Variants in PTPRJ observed in about 807,000 individuals in gnomAD.
The protein encoded by PTPRJ is protein tyrosine phosphatase receptor type J.
Under a neutral mutation model 141.3 loss-of-function variants are expected in PTPRJ, and 129 were observed. That is an observed-to-expected ratio of 0.91 (90% CI 0.79 to 1.06). The LOEUF (loss-of-function observed/expected upper bound fraction) is 1.06. Ranked by LOEUF, PTPRJ falls within the 50% of genes least tolerant of loss-of-function variation. The probability of loss-of-function intolerance (pLI) is 0.00; values close to 1 mark genes in which losing one functional copy is unlikely to be tolerated. For synonymous variants in PTPRJ, 610 were observed against 640.5 expected (o/e 0.95, Z 0.72); for missense variants, 1,601 against 1,679.7 (o/e 0.95, Z 0.82).
At chr11:48,103,818 C>A (rs1856217955) in intron 1 of PTPRJ, among the ~76,000 whole-genome samples, 1 of 152,172 alleles carries the variant, frequency 6.6e-6, no homozygotes, top group South Asian at 2.1e-4. Context: ...CTCGGCTGTG[C>A]GTCTCAAAGT....
At chr11:48,100,792 G>C (rs1003688198) in intron 1 of PTPRJ, among the ~76,000 whole-genome samples, 2 of 151,478 alleles carry the variant, frequency 1.3e-5, no homozygotes, top group African/African-American at 2.4e-5. Flanking sequence ...TGAGGCAGGA[G>C]AATTGTTTGA....
chr11:48,157,514 C>G (rs1001615385), intron 21 of PTPRJ, among the ~76,000 whole-genome samples: 2 of 152,156 alleles, frequency 1.3e-5, no homozygotes, highest in African/African-American at 2.4e-5. Context: ...GTGGTTCTAC[C>G]CTCAGAGTTT....
At chr11:48,155,953 G>A (rs1407422163) in intron 20 of PTPRJ, 32 bp from the exon 21 acceptor site, 1 of 1,605,016 alleles carries the variant, frequency 6.2e-7, no homozygotes, top group Non-Finnish European at 8.5e-7. Context: ...CTGTTTCTTT[G>A]AGGTTGACTA....
intron 1 of PTPRJ, among the ~76,000 whole-genome samples, chr11:48,003,706 G>T (rs971098061): frequency 7.2e-5 from 11 of 152,162 alleles, no homozygotes; most frequent in Non-Finnish European, 1.5e-4. Flanking sequence ...ATGATGGCCA[G>T]GCTGGTCTCG....
intron 1 of PTPRJ, among the ~76,000 whole-genome samples, chr11:48,084,345 T>C (rs2134289266): frequency 6.6e-6 from 1 of 152,204 alleles, no homozygotes; most frequent in South Asian, 2.1e-4. Context: ...CCACACACCC[T>C]ACTAATTTTT....
At chr11:48,124,794 A>T (rs532838020) in intron 5 of PTPRJ, among the ~76,000 whole-genome samples, 174 bp from the exon 6 acceptor site, 1 of 152,226 alleles carries the variant, frequency 6.6e-6, no homozygotes, top group Non-Finnish European at 1.5e-5. Flanking sequence ...TGGAGCTATC[A>T]GGCCTTTTTA....
At chr11:48,154,317 G>A (rs963872922) in intron 19 of PTPRJ, among the ~76,000 whole-genome samples, 5 of 152,192 alleles carry the variant, frequency 3.3e-5, no homozygotes, top group African/African-American at 9.7e-5. Flanking sequence ...AGAGGGAGAC[G>A]GGGAGTCACA....
Position 48,136,274 on chromosome 11 carries a change from C to A in PTPRJ, c.1851C>A (p.Pro617=). The A allele has an allele frequency of 4.3e-6, 7 of 1,614,152 alleles. No homozygotes were observed. The highest frequency in any genetic ancestry group is 5.9e-6 in the Non-Finnish European group (7 of 1,180,026). ...AAGTGGACCACGTCTGGGGGGACCC[C>A]AACTCCACTGCACAGTACACACGTA... ...SPEVDHVWGD[P]NSTAQYTRPS... Residue 617 remains proline (P), a synonymous_variant, in exon 9 of 25, where the codon CCC becomes CCA. Transcript: ENST00000418331.
chr11:48,002,082 T>G (rs1854512758), intron 1 of PTPRJ, among the ~76,000 whole-genome samples: 1 of 151,888 alleles, frequency 6.6e-6, no homozygotes, highest in African/African-American at 2.4e-5. Context: ...TCAGGAAGTG[T>G]GGGCACTCCC....
rs1261318470 is a variant in PTPRJ, at chr11:48,041,699, G to A, written c.96+60691G>A. On this transcript the variant is annotated intron_variant, in intron 1 of 24. Transcript: ENST00000418331. ...GAGTGCAGTGGTGCAATCATGGCTCGCTGCAGCCTCAACCTCCTGGGTTCT... is the reference window on the plus strand; with the variant it reads ...GAGTGCAGTGGTGCAATCATGGCTCACTGCAGCCTCAACCTCCTGGGTTCT... 6.6e-5 allele frequency among the ~76,000 whole-genome samples: 10 copies of A among 151,890 alleles called. No homozygotes were observed. The South Asian group carries it at 8.3e-4, about 13-fold the overall frequency.
rs1181150789 is a variant in PTPRJ at position 48,068,924 on chromosome 11, C to G, written c.97-41134C>G. On this transcript the variant is annotated intron_variant, in intron 1 of 24. Coordinates refer to ENST00000418331, the MANE Select transcript of PTPRJ (RefSeq NM_002843.4). ...GCCTTTGCACACAGCCTGGTATATCCTGATGTCTGCTGATACTCTTATTTT... is the reference window on the plus strand; with the variant it reads ...GCCTTTGCACACAGCCTGGTATATCGTGATGTCTGCTGATACTCTTATTTT... 5.9e-5 allele frequency among the ~76,000 whole-genome samples: 9 copies of G among 152,270 alleles called. No individual in the cohort carries two copies. The East Asian group carries it at 1.5e-3, about 26-fold the overall frequency.
chr11:48,088,747 G>T (rs151305929), intron 1 of PTPRJ, among the ~76,000 whole-genome samples: 1 of 152,254 alleles, frequency 6.6e-6, no homozygotes, highest in East Asian at 1.9e-4. Flanking sequence ...CTGCAGGACG[G>T]ATGAACTAGG....
chr11:48,016,825 A>G (rs1026373144), intron 1 of PTPRJ, among the ~76,000 whole-genome samples: 4 of 152,164 alleles, frequency 2.6e-5, no homozygotes, highest in East Asian at 1.9e-4. Flanking sequence ...ACTGCCTCCT[A>G]TAATAGTCAC....
At chr11:48,114,564 G>T (rs879055650) in intron 3 of PTPRJ, among the ~76,000 whole-genome samples, 1 of 151,324 alleles carries the variant, frequency 6.6e-6, no homozygotes, top group Non-Finnish European at 1.5e-5. Flanking sequence ...CAGGCTTACT[G>T]TTGAAGGGCA....
chr11:48,078,435 GGT>G (rs1439795907), intron 1 of PTPRJ, among the ~76,000 whole-genome samples: 17 of 152,314 alleles, frequency 1.1e-4, no homozygotes, highest in African/African-American at 3.8e-4. Flanking sequence ...AGGGTGGAAA[GGT>G]GTCCTGGAGC....
chr11:48,059,040 G>C (rs1025250861), intron 1 of PTPRJ, among the ~76,000 whole-genome samples: 1 of 151,160 alleles, frequency 6.6e-6, no homozygotes. Context: ...CAGAGAGGCC[G>C]GCCCTGATCA....
chr11:48,076,624 C>A (rs1039485), intron 1 of PTPRJ, among the ~76,000 whole-genome samples: 3 of 151,678 alleles, frequency 2.0e-5, no homozygotes, highest in Non-Finnish European at 4.4e-5. Context: ...ACATACTTGC[C>A]ACTGAAGCCT....
At chr11:48,053,313 T>A (rs1444758286) in intron 1 of PTPRJ, among the ~76,000 whole-genome samples, 5 of 91,054 alleles carry the variant, frequency 5.5e-5, no homozygotes, top group Non-Finnish European at 7.9e-5. Context: ...TATAAATATA[T>A]AATATATATT....
intron 19 of PTPRJ, among the ~76,000 whole-genome samples, chr11:48,155,450 A>G (rs1029270319): frequency 1.3e-5 from 2 of 152,198 alleles, no homozygotes; most frequent in African/African-American, 4.8e-5. Context: ...TGTTTAGCAT[A>G]TTCCCTCATG....
Sources: allele counts gnomAD v4.1 joint callset (sites outside exome capture counted in the v4.1 genomes callset), GRCh38; gene constraint gnomAD v4.1.1; transcripts MANE v1.5; gene names NCBI Gene and HGNC (gene_info 2026-07-23, HGNC 2026-07-21).